Variants in RIMBP2 observed in about 807,000 individuals in gnomAD.
RIMBP2 encodes the protein RIMS-binding protein 2.
Under a neutral mutation model 118.6 loss-of-function variants are expected in RIMBP2, and 48 were observed. That is an observed-to-expected ratio of 0.40 (90% confidence interval 0.32 to 0.51). The LOEUF (loss-of-function observed/expected upper bound fraction) is 0.51, where lower values mean the gene tolerates loss of function less well. RIMBP2 is among the 20% of genes least tolerant of loss of function. The pLI, the probability that RIMBP2 is intolerant of heterozygous loss-of-function variation, is 0.41. For missense variants in RIMBP2, 1,551 were observed against 1,768.3 expected, an observed-to-expected ratio of 0.88 and a Z score of 2.20; for synonymous variants, 762 against 742.9, an observed-to-expected ratio of 1.03 and a Z score of -0.42.
At chr12:130,580,095 G>A (rs2058363057) in intron 2 of RIMBP2, among the ~76,000 whole-genome samples, 1 of 151,454 alleles carries the variant, frequency 6.6e-6, no homozygotes, top group Admixed American at 6.6e-5. Flanking sequence ...CTACTTGGGA[G>A]GCTGAGGCAG....
chr12:130,695,472 C>T (rs1266334445), intron 1 of RIMBP2, among the ~76,000 whole-genome samples: 5 of 152,164 alleles, frequency 3.3e-5, no homozygotes, highest in Admixed American at 1.3e-4. Flanking sequence ...CCAGGCATGC[C>T]GGCTCCCACC....
At chr12:130,547,019 A>G (rs768542195) in intron 2 of RIMBP2, among the ~76,000 whole-genome samples, 3 of 152,060 alleles carry the variant, frequency 2.0e-5, no homozygotes, top group Non-Finnish European at 4.4e-5. Context: ...AGTTGTTATC[A>G]TTGCTGTTGT....
intron 4 of RIMBP2, among the ~76,000 whole-genome samples, chr12:130,486,370 C>A (rs971002431): frequency 1.3e-5 from 2 of 152,096 alleles, no homozygotes; most frequent in African/African-American, 2.4e-5. Flanking sequence ...CCTGGAGGGG[C>A]CACGGCTCTA....
intron 2 of RIMBP2, among the ~76,000 whole-genome samples, chr12:130,557,816 T>A (rs541285442): frequency 2.0e-5 from 3 of 152,336 alleles, no homozygotes; most frequent in African/African-American, 7.2e-5. Flanking sequence ...CCTTGTTCGA[T>A]GCCCCGCCTT....
At chr12:130,632,918 C>T (rs2062091354) in intron 1 of RIMBP2, among the ~76,000 whole-genome samples, 1 of 152,148 alleles carries the variant, frequency 6.6e-6, no homozygotes, top group African/African-American at 2.4e-5. Context: ...CCGTGGAACA[C>T]CAGGACACAT....
In RIMBP2 at chr12:130,447,284, C is replaced by G. The variant is rs113469592; in HGVS notation, c.582-2015G>C. 6.6e-6 allele frequency among the ~76,000 whole-genome samples: 1 copy of G among 151,632 alleles called. No individual in the cohort carries two copies. Among genetic ancestry groups the G allele is most frequent in the Non-Finnish European group, 1.5e-5 (1 of 67,928 alleles). The stretch of plus-strand genomic sequence containing the variant: ...AGAAGGTCCCTGGCTGGTAAGGGCA[C>G]GGAGAAGAAGTGGGAGATCCTACGG... On this transcript the variant is annotated intron_variant, in intron 9 of 22. Coordinates refer to ENST00000690449, the MANE Select transcript of RIMBP2 (RefSeq NM_001393629.1). The surrounding 1 kb of genome is among the most constrained non-coding windows in gnomAD (Gnocchi z 4.4).
chr12:130,542,150 A>AG (rs879720971), intron 2 of RIMBP2, among the ~76,000 whole-genome samples: 3,019 of 151,964 alleles, frequency 0.02, 202 homozygotes, highest in East Asian at 0.15. Context: ...AAGTAAGCAC[A>AG]AAGAGAGAGG....
At chr12:130,421,261 T>C (rs891071257) in intron 17 of RIMBP2, among the ~76,000 whole-genome samples, 16 of 152,274 alleles carry the variant, frequency 1.1e-4, no homozygotes, top group African/African-American at 3.4e-4. Context: ...CTAACCCTGC[T>C]AGCTGATCTG....
intron 2 of RIMBP2, among the ~76,000 whole-genome samples, chr12:130,592,009 G>A (rs866985975): frequency 1.1e-4 from 17 of 152,310 alleles, no homozygotes; most frequent in African/African-American, 2.2e-4. Flanking sequence ...CCTGTTGGGC[G>A]GAAACTCTCA....
chr12:130,456,931 C>T (rs1056646827), intron 6 of RIMBP2, among the ~76,000 whole-genome samples: 14 of 152,216 alleles, frequency 9.2e-5, no homozygotes, highest in African/African-American at 2.7e-4. Context: ...CCCACTTTCA[C>T]GGGAGAGCAG....
Position 130,523,778 on chromosome 12 carries a change from G to C in RIMBP2, c.-216-5861C>G, listed in dbSNP as rs1012513121. 2.6e-5 allele frequency among the ~76,000 whole-genome samples: 4 copies of C among 152,226 alleles called. No homozygotes were observed. Among genetic ancestry groups the C allele is most frequent in the African/African-American group, 9.6e-5 (4 of 41,464 alleles). On this transcript the variant is annotated intron_variant, in intron 2 of 22. Coordinates refer to ENST00000690449, the MANE Select transcript of RIMBP2 (RefSeq NM_001393629.1). The surrounding 1 kb of genome is among the most constrained non-coding windows in gnomAD (Gnocchi z 4.4). Reference sequence around the variant, plus strand: ...ACCCTCTGCCCCCAGCCTTGTGGGTGCAGCAGACAGCGCAGGGCATTCTGG... The same window carrying C: ...ACCCTCTGCCCCCAGCCTTGTGGGTCCAGCAGACAGCGCAGGGCATTCTGG...
Position 130,622,973 on chromosome 12 carries a change from C to T in RIMBP2, c.-217+5349G>A, listed in dbSNP as rs553514642. ...ACAGAGAAAATGAAAGAACAGATGG[C>T]GTGGACTGAGGTCTGGGGATACTGT... is the stretch of plus-strand genomic sequence containing the variant. On this transcript the variant is annotated intron_variant, in intron 2 of 22. Transcript: ENST00000690449. The surrounding 1 kb of genome is among the most constrained non-coding windows in gnomAD (Gnocchi z 8.5). Among the ~76,000 whole-genome samples the T allele has an allele frequency of 1.7e-4, 26 of 152,308 alleles. No individual in the cohort carries two copies. The highest frequency in any genetic ancestry group is 4.8e-4 in the African/African-American group (20 of 41,568).
chr12:130,412,828 T>C (rs536489711), intron 18 of RIMBP2, 41 bp from the exon 19 acceptor site: 3 of 1,576,900 alleles, frequency 1.9e-6, no homozygotes, highest in East Asian at 2.2e-5. Flanking sequence ...CTGTAATTGA[T>C]TGGTTCAGAA....
chr12:130,562,724 G>A (rs2056912721), intron 2 of RIMBP2, among the ~76,000 whole-genome samples: 1 of 152,236 alleles, frequency 6.6e-6, no homozygotes, highest in African/African-American at 2.4e-5. Context: ...TGGAAAAGGA[G>A]TGGAAACCTG....
At chr12:130,414,047 CT>C in intron 18 of RIMBP2, 77 bp downstream of exon 18, 1 of 1,450,040 alleles carries the variant, frequency 6.9e-7, no homozygotes, top group Non-Finnish European at 9.6e-7. Context: ...AGTCGATACC[CT>C]GTTGCCAGTC....
At chr12:130,702,975 T>C (rs1005355922) in intron 1 of RIMBP2, among the ~76,000 whole-genome samples, 1 of 152,176 alleles carries the variant, frequency 6.6e-6, no homozygotes, top group Non-Finnish European at 1.5e-5. Flanking sequence ...TCTTTCCTCC[T>C]GGGCTGAGAC....
intron 1 of RIMBP2, among the ~76,000 whole-genome samples, chr12:130,663,027 G>A (rs1467233784): frequency 6.6e-6 from 1 of 152,188 alleles, no homozygotes. Context: ...GGGAAAGAAG[G>A]CACCTGGATA....
intron 2 of RIMBP2, among the ~76,000 whole-genome samples, chr12:130,532,795 T>C (rs981419286): frequency 6.6e-6 from 1 of 150,450 alleles, no homozygotes; most frequent in Non-Finnish European, 1.5e-5. Context: ...TTACGTCTAA[T>C]GAGATGCGTG....
At chr12:130,614,720 T>C (rs1283430501) in intron 2 of RIMBP2, among the ~76,000 whole-genome samples, 1 of 151,924 alleles carries the variant, frequency 6.6e-6, no homozygotes, top group Non-Finnish European at 1.5e-5. Context: ...TCAAAGAAAA[T>C]TGTGGTGTAT....
Sources: allele counts gnomAD v4.1 joint callset (sites outside exome capture counted in the v4.1 genomes callset), GRCh38; gene constraint gnomAD v4.1.1; non-coding constraint Gnocchi (gnomAD v3.1); transcripts MANE v1.5; gene names NCBI Gene and HGNC (gene_info 2026-07-23, HGNC 2026-07-21).